PID1: variants seen among roughly 807,000 people sequenced by gnomAD.
PID1 encodes the protein PTB-containing, cubilin and LRP1-interacting protein.
A neutral mutation model predicts 19.1 loss-of-function variants in PID1; 10 were observed. The observed-to-expected ratio is 0.52, with a 90% CI of 0.32 to 0.89. The LOEUF (loss-of-function observed/expected upper bound fraction) is 0.89, where lower values mean the gene tolerates loss of function less well. Ranked by LOEUF, PID1 falls within the 40% of genes least tolerant of loss-of-function variation. PID1 has a pLI of 0.03. For synonymous variants in PID1, 130 were observed against 116.0 expected (o/e 1.12, Z -0.78); for missense variants, 248 against 285.3 (o/e 0.87, Z 0.94).
At chr2:229,143,017 TA>T (rs1455356830) in intron 2 of PID1, among the ~76,000 whole-genome samples, 2 of 147,832 alleles carry the variant, frequency 1.4e-5, no homozygotes, top group East Asian at 2.0e-4. Flanking sequence ...TATGCAGCCA[TA>T]AAAAATGATG....
Position 229,271,090 on chromosome 2 carries a change from A to C in PID1, c.-47T>G. 1 of 1,536,168 alleles carries C rather than the reference A, an allele frequency of 6.5e-7. No individual in the cohort carries two copies. Among genetic ancestry groups the C allele is most frequent in the Non-Finnish European group, 8.8e-7 (1 of 1,140,182 alleles). On this transcript the variant is annotated 5_prime_UTR_variant, in exon 1 of 3. Coordinates refer to ENST00000392055, the MANE Select transcript of PID1 (RefSeq NM_001100818.2). ...AGAGGAGACGCTGGCGAGACTGTCG[A>C]TCGCGCCGGGGGGCGAGGGGCTGGG...
chr2:229,211,900 G>C (rs535017275), intron 1 of PID1, among the ~76,000 whole-genome samples: 149 of 152,346 alleles, frequency 9.8e-4, no homozygotes, highest in African/African-American at 3.4e-3. Flanking sequence ...GTATGTACTA[G>C]ACTGAATTTC....
At chr2:229,231,949 T>A in intron 1 of PID1, 1 of 1,550,476 alleles carries the variant, frequency 6.4e-7, no homozygotes, top group South Asian at 1.2e-5. Context: ...AGGAAGATCA[T>A]GATCAAGGTG....
At chr2:229,088,182 T>C (rs1694805921) in intron 2 of PID1, among the ~76,000 whole-genome samples, 1 of 152,172 alleles carries the variant, frequency 6.6e-6, no homozygotes, top group African/African-American at 2.4e-5. Flanking sequence ...AGATTCTTGA[T>C]GAAATAGGTG....
At chr2:229,169,994 T>C (rs112945647) in intron 1 of PID1, among the ~76,000 whole-genome samples, 2 of 152,172 alleles carry the variant, frequency 1.3e-5, no homozygotes, top group African/African-American at 4.8e-5. Context: ...GGCTCAGTTC[T>C]GAAGACAGCA....
chr2:229,231,815 T>C lies in PID1; in HGVS notation c.30+39199A>G, dbSNP rs1692214884. 31 of 1,502,054 alleles carry C rather than the reference T, an allele frequency of 2.1e-5. No homozygotes were observed. The South Asian group carries it at 3.7e-4, about 18-fold the overall frequency. 93.0% of individuals were successfully genotyped at this position (1,502,054 alleles called of 1,614,324 possible). ...ATGTGTGATGGCATTTTACCAAACCTACTTCCCACTCCTCTTCTTTTACCT... is the reference window on the plus strand; with the variant it reads ...ATGTGTGATGGCATTTTACCAAACCCACTTCCCACTCCTCTTCTTTTACCT... On this transcript the variant is annotated intron_variant, in intron 1 of 2. Transcript: ENST00000392055.
intron 1 of PID1, among the ~76,000 whole-genome samples, chr2:229,212,802 C>G (rs1691766102): frequency 6.6e-6 from 1 of 152,024 alleles, no homozygotes; most frequent in African/African-American, 2.4e-5. Flanking sequence ...CAAAGCACAG[C>G]AAGGCAGGTA....
At chr2:229,186,020 T>G (rs944107878) in intron 1 of PID1, among the ~76,000 whole-genome samples, 3 of 152,200 alleles carry the variant, frequency 2.0e-5, no homozygotes, top group Non-Finnish European at 2.9e-5. Flanking sequence ...GTACAGGCAT[T>G]TGATACATAC....
chr2:229,061,053 C>A (rs1694202928), intron 2 of PID1, among the ~76,000 whole-genome samples: 1 of 152,072 alleles, frequency 6.6e-6, no homozygotes, highest in Non-Finnish European at 1.5e-5. Flanking sequence ...TTCTCCCAGT[C>A]TGTGCATTGC....
At chr2:229,130,208 T>C (rs1319676396) in intron 2 of PID1, among the ~76,000 whole-genome samples, 1 of 152,188 alleles carries the variant, frequency 6.6e-6, no homozygotes, top group Admixed American at 6.5e-5. Flanking sequence ...AGAGCATTGA[T>C]AAGGAGTTGT....
At chr2:229,252,764 A>T (rs1690187728) in intron 1 of PID1, among the ~76,000 whole-genome samples, 1 of 152,230 alleles carries the variant, frequency 6.6e-6, no homozygotes, top group African/African-American at 2.4e-5. Flanking sequence ...TTCTCCAAGA[A>T]GATTCCCACA....
chr2:229,209,492 T>A lies in PID1; in HGVS notation c.31-53528A>T, dbSNP rs1032451353. Reference sequence around the variant, plus strand: ...TTCCACTTGTGCCAACTAGGTGCAGTCAATGAGGCCACAGGGGCAGTGGAA... The same window carrying A: ...TTCCACTTGTGCCAACTAGGTGCAGACAATGAGGCCACAGGGGCAGTGGAA... On this transcript the variant is annotated intron_variant, in intron 1 of 2. Coordinates refer to ENST00000392055, the MANE Select transcript of PID1 (RefSeq NM_001100818.2). Among the ~76,000 whole-genome samples the A allele has an allele frequency of 1.1e-4, 16 of 152,244 alleles. No homozygotes were observed. The East Asian group carries it at 2.7e-3, about 26-fold the overall frequency.
Position 229,134,239 on chromosome 2 carries a change from T to G in PID1, c.177+21579A>C, listed in dbSNP as rs1252259994. On this transcript the variant is annotated intron_variant, in intron 2 of 2. Coordinates refer to ENST00000392055, the MANE Select transcript of PID1 (RefSeq NM_001100818.2). ...CAATGTTTACTACCTGTGTTTTTTT[T>G]TTTTTTTTTTTTTGAGACAGAGTCT... Among the ~76,000 whole-genome samples, 26 of 143,824 alleles carry G rather than the reference T, an allele frequency of 1.8e-4. No individual in the cohort carries two copies. The South Asian group carries it at 5.1e-3, about 28-fold the overall frequency. The allele number at this position is 143,824 out of a possible 152,430, so 94.4% of individuals were successfully genotyped here.
intron 2 of PID1, among the ~76,000 whole-genome samples, chr2:229,086,592 A>G (rs1694772104): frequency 6.6e-6 from 1 of 152,202 alleles, no homozygotes; most frequent in South Asian, 2.1e-4. Context: ...CTTAAATCAT[A>G]TAATTGCTGA....
chr2:229,166,524 A>G (rs1241564413), intron 1 of PID1, among the ~76,000 whole-genome samples: 1 of 152,206 alleles, frequency 6.6e-6, no homozygotes, highest in Admixed American at 6.5e-5. Flanking sequence ...TGATTGCTCA[A>G]TGCTAGAGGG....
intron 2 of PID1, among the ~76,000 whole-genome samples, chr2:229,120,593 G>GTATATATATAATATCTATATTATA (rs1185402421): frequency 6.7e-6 from 1 of 149,092 alleles, no homozygotes; most frequent in Non-Finnish European, 1.5e-5. Context: ...GGTCAACTGT[G>GTATATATATAATATCTATATTATA]TATATATATA....
intron 1 of PID1, among the ~76,000 whole-genome samples, chr2:229,199,767 CAT>C (rs371811066): frequency 8.9e-4 from 129 of 145,648 alleles, no homozygotes; most frequent in Middle Eastern, 3.7e-3. Context: ...CACACACACA[CAT>C]ATATATATAC....
intron 1 of PID1, among the ~76,000 whole-genome samples, chr2:229,180,578 G>T (rs1000884403): frequency 6.6e-6 from 1 of 152,194 alleles, no homozygotes; most frequent in Non-Finnish European, 1.5e-5. Flanking sequence ...TGCTGGATCA[G>T]AATCTCTGGG....
At chr2:229,062,657 G>T (rs187393363) in intron 2 of PID1, among the ~76,000 whole-genome samples, 1 of 152,064 alleles carries the variant, frequency 6.6e-6, no homozygotes, top group Admixed American at 6.6e-5. Context: ...CATTAAATGA[G>T]TATGAAAGTA....
Sources: gnomAD v4.1 joint callset for allele counts (sites outside exome capture counted in the v4.1 genomes callset) on GRCh38, gnomAD v4.1.1 for gene constraint, MANE v1.5 for transcripts, NCBI Gene and HGNC (gene_info 2026-07-23, HGNC 2026-07-21) for gene names.